RLF: variants seen among roughly 807,000 people sequenced by gnomAD.
RLF encodes the protein zinc finger protein Rlf.
RLF carries 7 observed loss-of-function variants against 162.9 expected under a neutral mutation model. The ratio of observed to expected loss-of-function variants is 0.04; its 90% confidence interval spans 0.02 to 0.08. The LOEUF is 0.08. RLF is among the 10% of genes least tolerant of loss of function. RLF has a pLI of 1.00. For synonymous variants in RLF, 782 were observed against 791.5 expected (o/e 0.99, Z 0.20); for missense variants, 1,664 against 2,244.7 (o/e 0.74, Z 5.23).
intron 1 of RLF, among the ~76,000 whole-genome samples, chr1:40,162,184 C>CTTT (rs111773742): frequency 1.4e-5 from 2 of 139,612 alleles, no homozygotes; most frequent in African/African-American, 5.2e-5. Flanking sequence ...TTGGTTTTTG[C>CTTT]TTTTTTTTTT....
intron 4 of RLF, among the ~76,000 whole-genome samples, chr1:40,201,625 C>CAAAA (rs35897680): frequency 1.1e-5 from 1 of 91,500 alleles, no homozygotes; most frequent in Non-Finnish European, 2.2e-5. Flanking sequence ...GACTTCATCT[C>CAAAA]AAAAAAAAAA....
intron 5 of RLF, among the ~76,000 whole-genome samples, chr1:40,216,516 AACCCACAGAAACTG>A (rs967864625): frequency 4.0e-5 from 6 of 151,804 alleles, no homozygotes; most frequent in African/African-American, 9.7e-5. Flanking sequence ...GAGAGAAAGA[AACCCACAGAAACTG>A]ACTCACAGAT....
Position 40,235,775 on chromosome 1 carries a change from T to G in RLF, c.1090-17T>G. ...TGTATGCAAAAAAATAATTTTTTTA[T>G]CCTCTTTTACTTACAGGCACAAGAT... is the stretch of plus-strand genomic sequence containing the variant. On this transcript the variant is annotated splice_polypyrimidine_tract_variant and intron_variant, in intron 7 of 7. Transcript: ENST00000372771. 2.0e-6 allele frequency: 3 copies of G among 1,482,658 alleles called. No individual in the cohort carries two copies. The highest frequency in any genetic ancestry group is 2.7e-6 in the Non-Finnish European group (3 of 1,115,828). The allele number at this position is 1,482,658 out of a possible 1,614,324, so 91.8% of individuals were successfully genotyped here. A position where few individuals can be genotyped will look rare whatever the true frequency, so the allele number is the denominator to read the frequency against.
At chr1:40,162,751 A>G (rs923274398) in intron 1 of RLF, among the ~76,000 whole-genome samples, 1 of 152,166 alleles carries the variant, frequency 6.6e-6, no homozygotes, top group Non-Finnish European at 1.5e-5. Context: ...TGTCCTTACT[A>G]ATCTTTTCCG....
intron 5 of RLF, among the ~76,000 whole-genome samples, chr1:40,211,983 T>TA (rs2124547931): frequency 6.6e-6 from 1 of 152,370 alleles, no homozygotes; most frequent in South Asian, 2.1e-4. Context: ...TCAACAGAAT[T>TA]AAAAATAATC....
chr1:40,178,606 A>G (rs1471222650), intron 1 of RLF, among the ~76,000 whole-genome samples: 1 of 148,072 alleles, frequency 6.8e-6, no homozygotes, highest in Admixed American at 6.7e-5. Flanking sequence ...TTGAACCCAA[A>G]GCTGTCTTTG....
At chr1:40,233,201 C>T (rs1404111114) in intron 7 of RLF, among the ~76,000 whole-genome samples, 1 of 152,140 alleles carries the variant, frequency 6.6e-6, no homozygotes, top group African/African-American at 2.4e-5. Flanking sequence ...GTTTAAGACC[C>T]ACCAATTTCT....
intron 6 of RLF, among the ~76,000 whole-genome samples, chr1:40,223,655 T>C (rs989221323): frequency 6.6e-6 from 1 of 152,286 alleles, no homozygotes; most frequent in Non-Finnish European, 1.5e-5. Context: ...GTTAATACCA[T>C]TGTATGTTAC....
intron 1 of RLF, among the ~76,000 whole-genome samples, chr1:40,184,148 T>C (rs1438599556): frequency 6.6e-6 from 1 of 152,192 alleles, no homozygotes; most frequent in Non-Finnish European, 1.5e-5. Context: ...TTGAGAAGTT[T>C]AGAAAAGTAT....
chr1:40,239,801 C>T lies in RLF; in HGVS notation c.5099C>T (p.Ser1700Phe). Reference sequence around the variant, plus strand: ...CCTCCTCCTTGTAAAATAGAAAATTCCATACCTAATCCCAATGGGACTGAA... The same window carrying T: ...CCTCCTCCTTGTAAAATAGAAAATTTCATACCTAATCCCAATGGGACTGAA... ...QPPPPCKIEN[S>F]IPNPNGTESG... The change falls in exon 8 of 8, where the codon TCC becomes TTC. Residue 1700 changes from serine (S) to phenylalanine (F), a missense_variant. Coordinates refer to ENST00000372771, the MANE Select transcript of RLF (RefSeq NM_012421.4). 6.2e-7 allele frequency: 1 copy of T among 1,614,140 alleles called. No homozygotes were observed. The highest frequency in any genetic ancestry group is 8.5e-7 in the Non-Finnish European group (1 of 1,180,028).
chr1:40,218,861 C>A (rs552964600), intron 5 of RLF, among the ~76,000 whole-genome samples: 1 of 152,174 alleles, frequency 6.6e-6, no homozygotes, highest in Non-Finnish European at 1.5e-5. Flanking sequence ...AGGGAACTTA[C>A]ATTTTAGTGG....
At chr1:40,185,083 T>C (rs999469221) in intron 1 of RLF, among the ~76,000 whole-genome samples, 1 of 151,766 alleles carries the variant, frequency 6.6e-6, no homozygotes, top group South Asian at 2.1e-4. Flanking sequence ...AAAAAAAAAG[T>C]TTTTTTTAAT....
At chr1:40,232,805 A>G (rs1466841354) in intron 7 of RLF, among the ~76,000 whole-genome samples, 1 of 152,174 alleles carries the variant, frequency 6.6e-6, no homozygotes, top group African/African-American at 2.4e-5. Context: ...CCTTGGCTCA[A>G]GCAATCCTCC....
chr1:40,206,856 C>T (rs1418054771), intron 5 of RLF, among the ~76,000 whole-genome samples: 1 of 152,186 alleles, frequency 6.6e-6, no homozygotes, highest in African/African-American at 2.4e-5. Flanking sequence ...TACTCCCTTA[C>T]CTCATGTCTG....
At chr1:40,227,562 A>C (rs1643093056) in intron 6 of RLF, among the ~76,000 whole-genome samples, 1 of 152,218 alleles carries the variant, frequency 6.6e-6, no homozygotes, top group Non-Finnish European at 1.5e-5. Flanking sequence ...ATCATTTTAC[A>C]TCAATTTATA....
chr1:40,228,581 CA>C lies in RLF; in HGVS notation c.948-2921del, dbSNP rs202055225. On this transcript the variant is annotated intron_variant, in intron 6 of 7. Transcript: ENST00000372771. ...CTGGGCGACAGCGTGGACTCCATCT[CA>C]AAAAAAAAAAAAAATTATTTGAGAC... Among the ~76,000 whole-genome samples, 568 of 135,266 alleles carry C rather than the reference CA, an allele frequency of 4.2e-3. 3 individuals are homozygous for C. Among genetic ancestry groups the C allele is most frequent in the African/African-American group, 9.1e-3 (331 of 36,434 alleles). 88.7% of individuals were successfully genotyped at this position (135,266 alleles called of 152,430 possible).
At chr1:40,194,815 T>G (rs1315543913) in intron 3 of RLF, among the ~76,000 whole-genome samples, 25 of 54,276 alleles carry the variant, frequency 4.6e-4, no homozygotes, top group Non-Finnish European at 6.3e-4. Context: ...TAGTTATTTA[T>G]TTATTTATTT....
chr1:40,216,428 C>T (rs909924750), intron 5 of RLF, among the ~76,000 whole-genome samples: 1 of 150,664 alleles, frequency 6.6e-6, no homozygotes, highest in African/African-American at 2.4e-5. Context: ...GCAGAGGTTG[C>T]AGTGAGCTGA....
intron 2 of RLF, 100 bp downstream of exon 2, chr1:40,189,309 C>A: frequency 1.0e-6 from 1 of 967,944 alleles, no homozygotes; most frequent in Non-Finnish European, 1.6e-6. Flanking sequence ...TTCTTCAGAG[C>A]ACCATTAGAG....
Sources: gnomAD v4.1 joint callset for allele counts (sites outside exome capture counted in the v4.1 genomes callset) on GRCh38, gnomAD v4.1.1 for gene constraint, MANE v1.5 for transcripts, NCBI Gene and HGNC (gene_info 2026-07-23, HGNC 2026-07-21) for gene names.